The following ZBTB20 variants were observed in gnomAD, a reference collection of about 807,000 sequenced individuals.
The protein encoded by ZBTB20 is zinc finger and BTB domain-containing protein 20.
ZBTB20 carries 9 observed loss-of-function variants against 56.9 expected under a neutral mutation model. The observed-to-expected ratio is 0.16, with a 90% CI of 0.10 to 0.28. ZBTB20 has a LOEUF of 0.28. ZBTB20 is among the 10% of genes least tolerant of loss of function. The probability of loss-of-function intolerance (pLI) is 1.00; values close to 1 mark genes in which losing one functional copy is unlikely to be tolerated. For synonymous variants in ZBTB20, 417 were observed against 420.7 expected (o/e 0.99, Z 0.11); for missense variants, 655 against 1,003.0 (o/e 0.65, Z 4.69).
chr3:114,743,124 A>G (rs1013661689), intron 5 of ZBTB20, among the ~76,000 whole-genome samples: 1 of 152,194 alleles, frequency 6.6e-6, no homozygotes, highest in Non-Finnish European at 1.5e-5. Flanking sequence ...AAACCTGTTC[A>G]TATCTATGTA....
At chr3:114,841,700 T>G (rs965332437) in intron 4 of ZBTB20, among the ~76,000 whole-genome samples, 2 of 152,136 alleles carry the variant, frequency 1.3e-5, no homozygotes, top group African/African-American at 4.8e-5. Flanking sequence ...TGAGAGCATG[T>G]TTGGGGCAAA....
chr3:114,856,054 A>G (rs1401028842), intron 4 of ZBTB20, among the ~76,000 whole-genome samples: 1 of 152,104 alleles, frequency 6.6e-6, no homozygotes, highest in Non-Finnish European at 1.5e-5. Context: ...CAGCAGTTTC[A>G]CTTTCTGGCT....
At chr3:114,410,891 C>T (rs1046668140) in intron 7 of ZBTB20, among the ~76,000 whole-genome samples, 9 of 152,042 alleles carry the variant, frequency 5.9e-5, no homozygotes, top group African/African-American at 1.2e-4. Flanking sequence ...TGGAAAATGG[C>T]TACTCCTGGG....
At chr3:114,386,459 A>G (rs2085138549) in intron 8 of ZBTB20, among the ~76,000 whole-genome samples, 1 of 152,156 alleles carries the variant, frequency 6.6e-6, no homozygotes, top group Admixed American at 6.5e-5. Flanking sequence ...GAGAGATAGC[A>G]CCAGGTACTA....
intron 2 of ZBTB20, among the ~76,000 whole-genome samples, chr3:115,057,374 G>C (rs1034943171): frequency 3.3e-5 from 5 of 151,164 alleles, no homozygotes; most frequent in African/African-American, 1.2e-4. Context: ...GATTATTGTA[G>C]GGTTTACAAT....
chr3:114,349,274 TC>T (rs1390843488), intron 11 of ZBTB20, among the ~76,000 whole-genome samples: 2 of 151,574 alleles, frequency 1.3e-5, no homozygotes, highest in African/African-American at 4.9e-5. Flanking sequence ...TCCAAGAGAA[TC>T]TAGGTGACAT....
At chr3:114,651,550 TAAAA>T (rs57059379) in intron 6 of ZBTB20, among the ~76,000 whole-genome samples, 6 of 91,402 alleles carry the variant, frequency 6.6e-5, no homozygotes, top group East Asian at 6.5e-4. Context: ...GGTTGGATAG[TAAAA>T]AAAAAAAAAA....
intron 5 of ZBTB20, among the ~76,000 whole-genome samples, chr3:114,721,810 G>C (rs929502120): frequency 1.3e-5 from 2 of 152,062 alleles, no homozygotes; most frequent in African/African-American, 4.8e-5. Flanking sequence ...TGGGATTCTT[G>C]GGATTCTCAA....
intron 6 of ZBTB20, among the ~76,000 whole-genome samples, chr3:114,544,418 T>C (rs1220301342): frequency 4.1e-5 from 1 of 24,288 alleles, no homozygotes; most frequent in Non-Finnish European, 7.3e-5. Flanking sequence ...TCTTTCTTTC[T>C]TTCTTTCTTT....
chr3:114,503,629 CTT>C (rs1275878188), intron 6 of ZBTB20, among the ~76,000 whole-genome samples: 1 of 152,000 alleles, frequency 6.6e-6, no homozygotes, highest in Non-Finnish European at 1.5e-5. Flanking sequence ...ATTAAGCACA[CTT>C]TGTTCAAAGC....
At chr3:114,842,958 G>A (rs1457849965) in intron 4 of ZBTB20, among the ~76,000 whole-genome samples, 3 of 152,130 alleles carry the variant, frequency 2.0e-5, no homozygotes, top group Non-Finnish European at 4.4e-5. Context: ...AGCAAGGGGG[G>A]CGATTTTCCC....
intron 6 of ZBTB20, among the ~76,000 whole-genome samples, chr3:114,563,312 G>A (rs950192340): frequency 1.3e-5 from 2 of 152,128 alleles, no homozygotes; most frequent in African/African-American, 4.8e-5. Context: ...GGGCCAGTTT[G>A]AACCGAATCC....
At chr3:114,626,990 G>A (rs2058689857) in intron 6 of ZBTB20, among the ~76,000 whole-genome samples, 1 of 152,210 alleles carries the variant, frequency 6.6e-6, no homozygotes. Context: ...CTTAAGGTTA[G>A]TTTATTCAGG....
intron 6 of ZBTB20, among the ~76,000 whole-genome samples, chr3:114,527,549 T>C (rs1030650245): frequency 7.9e-5 from 12 of 152,184 alleles, no homozygotes; most frequent in Non-Finnish European, 1.6e-4. Context: ...TAATGGTCTG[T>C]GCAATACTGA....
chr3:114,919,560 C>T (rs765648595), intron 3 of ZBTB20, among the ~76,000 whole-genome samples: 4 of 151,908 alleles, frequency 2.6e-5, no homozygotes, highest in Non-Finnish European at 4.4e-5. Context: ...ACAAAATTAG[C>T]CGGGTGCGGT....
At chr3:114,792,716 C>T (rs1414626809) in intron 5 of ZBTB20, among the ~76,000 whole-genome samples, 1 of 152,056 alleles carries the variant, frequency 6.6e-6, no homozygotes, top group Non-Finnish European at 1.5e-5. Context: ...GTTATGTTTG[C>T]AGTGGCACCC....
In ZBTB20 at chr3:114,350,723, G is replaced by A; in HGVS notation, c.1355C>T (p.Ser452Phe). 6.2e-7 allele frequency: 1 copy of A among 1,614,216 alleles called. No homozygotes were observed. The highest frequency in any genetic ancestry group is 1.1e-5 in the South Asian group (1 of 91,082). ...DSTVITVSNS[S>F]DKSVLQQPSV... Reference sequence around the variant, plus strand: ...AGGCTGTTGTAGGACGCTCTTGTCGGAGCTGTTGCTGACAGTGATAACAGT... The same window carrying A: ...AGGCTGTTGTAGGACGCTCTTGTCGAAGCTGTTGCTGACAGTGATAACAGT... The change falls in exon 11 of 12, where the codon TCC becomes TTC. Residue 452 changes from serine (S) to phenylalanine (F), a missense_variant. Around this residue, in one of 10 missense-constraint regions of ZBTB20, gnomAD observed 156 missense variants for 181.0 expected, o/e 0.86. Transcript: ENST00000675478.
At chr3:114,789,267 G>C (rs912603446) in intron 5 of ZBTB20, among the ~76,000 whole-genome samples, 3 of 152,134 alleles carry the variant, frequency 2.0e-5, no homozygotes, top group African/African-American at 7.2e-5. Context: ...TATGCATAAT[G>C]TTAAAGCTTT....
chr3:114,541,744 A>G (rs544944062), intron 6 of ZBTB20, among the ~76,000 whole-genome samples: 7 of 152,304 alleles, frequency 4.6e-5, no homozygotes, highest in African/African-American at 1.7e-4. Context: ...ATTTAGGTTT[A>G]TGGGTGCATC....
Sources: gnomAD v4.1 joint callset for allele counts (sites outside exome capture counted in the v4.1 genomes callset) on GRCh38, gnomAD v4.1.1 for gene constraint, gnomAD v4.1.1 regional missense constraint, MANE v1.5 for transcripts, NCBI Gene and HGNC (gene_info 2026-07-23, HGNC 2026-07-21) for gene names.